Variants in SNTG2 observed in about 807,000 individuals in gnomAD.
SNTG2 encodes gamma-2-syntrophin.
A neutral mutation model predicts 70.9 loss-of-function variants in SNTG2; 74 were observed. The observed-to-expected ratio is 1.04, with a 90% confidence interval of 0.86 to 1.27. The LOEUF is 1.27. Ranked by LOEUF, SNTG2 falls within the 50% of genes most tolerant of loss-of-function variation. SNTG2 has a pLI of 0.00. For synonymous variants in SNTG2, 278 were observed against 273.8 expected (o/e 1.02, Z -0.15); for missense variants, 717 against 690.7 (o/e 1.04, Z -0.43).
rs1181147035 is a variant in SNTG2 at position 956,256 on chromosome 2, CG to C, written c.72+5189del. ...CCACCCCTGCCCCGCCCCGCCCCTGCGCCTCCCCCTGCCCTGCCCCTGCACC... is the reference window on the plus strand; with the variant it reads ...CCACCCCTGCCCCGCCCCGCCCCTGCCCTCCCCCTGCCCTGCCCCTGCACC... On this transcript the variant is annotated intron_variant, in intron 1 of 16. Coordinates refer to ENST00000308624, the MANE Select transcript of SNTG2 (RefSeq NM_018968.4). Among the ~76,000 whole-genome samples, 501 of 127,112 alleles carry C rather than the reference CG, an allele frequency of 3.9e-3. 12 individuals are homozygous for C. Among genetic ancestry groups the C allele is most frequent in the African/African-American group, 0.017 (474 of 28,328 alleles). 83.4% of individuals were successfully genotyped at this position (127,112 alleles called of 152,430 possible).
intron 1 of SNTG2, among the ~76,000 whole-genome samples, chr2:1,035,805 T>C (rs555507897): frequency 2.6e-5 from 4 of 152,316 alleles, no homozygotes; most frequent in Non-Finnish European, 5.9e-5. Flanking sequence ...CAGTGTGTTT[T>C]TGTTTTTATT....
intron 14 of SNTG2, among the ~76,000 whole-genome samples, chr2:1,267,913 A>G (rs1678834782): frequency 2.0e-5 from 3 of 152,230 alleles, no homozygotes; most frequent in African/African-American, 7.2e-5. Flanking sequence ...CGGGAGACAG[A>G]ACACCTAGCT....
Position 1,179,219 on chromosome 2 carries a change from G to A in SNTG2, c.591+6036G>A, listed in dbSNP as rs1023649685. Among the ~76,000 whole-genome samples the A allele has an allele frequency of 1.4e-4, 22 of 151,824 alleles. No homozygotes were observed. The South Asian group carries it at 2.5e-3, about 17-fold the overall frequency. On this transcript the variant is annotated intron_variant, in intron 8 of 16. Transcript: ENST00000308624. The stretch of plus-strand genomic sequence containing the variant: ...TTTCTTCTTTATTAGTCTTGCTAGC[G>A]GTCTATCAATTTTGTTGATCCTTTC...
chr2:1,353,405 C>T lies in SNTG2; in HGVS notation c.1489-13938C>T, dbSNP rs1660686506. ...TGAGTTCCGGGGTGTGGCTGTTCCT[C>T]GTGATTGTTGCATTTCATCCTATAC... On this transcript the variant is annotated intron_variant, in intron 16 of 16. Transcript: ENST00000308624. This position sits in a 1 kb window ranked among gnomAD's most constrained non-coding sequence, Gnocchi z 4.2. Among the ~76,000 whole-genome samples the T allele has an allele frequency of 6.6e-6, 1 of 152,180 alleles. No homozygotes were observed. Among genetic ancestry groups the T allele is most frequent in the African/African-American group, 2.4e-5 (1 of 41,440 alleles).
At chr2:1,098,147 A>G in intron 2 of SNTG2, 49 bp from the exon 3 acceptor site, 1 of 1,576,928 alleles carries the variant, frequency 6.3e-7, no homozygotes, top group Non-Finnish European at 8.7e-7. Flanking sequence ...TCACTTTCTG[A>G]TAGTGCATTT....
Position 1,097,534 on chromosome 2 carries a change from A to G in SNTG2, c.211-662A>G. On this transcript the variant is annotated intron_variant, in intron 2 of 16. Coordinates refer to ENST00000308624, the MANE Select transcript of SNTG2 (RefSeq NM_018968.4). This position sits in a 1 kb window ranked among gnomAD's most constrained non-coding sequence, Gnocchi z 4.1. The stretch of plus-strand genomic sequence containing the variant: ...CACTCATGTCTACCTGAAGTTGGCA[A>G]CAGTCGCATTCATCAGATTAGACCA... 6.6e-6 allele frequency among the ~76,000 whole-genome samples: 1 copy of G among 152,208 alleles called. No individual in the cohort carries two copies. Among genetic ancestry groups the G allele is most frequent in the East Asian group, 1.9e-4 (1 of 5,184 alleles).
At chr2:1,205,476 A>G (rs957203519) in intron 8 of SNTG2, among the ~76,000 whole-genome samples, 3 of 149,090 alleles carry the variant, frequency 2.0e-5, no homozygotes, top group Non-Finnish European at 4.4e-5. Flanking sequence ...GGGAGAATGC[A>G]GAGTCGGGGA....
intron 14 of SNTG2, among the ~76,000 whole-genome samples, chr2:1,268,896 C>T (rs935834809): frequency 2.0e-5 from 3 of 152,202 alleles, no homozygotes; most frequent in Admixed American, 6.5e-5. Context: ...TCTCCATTCG[C>T]GTGTGTGTGC....
intron 1 of SNTG2, among the ~76,000 whole-genome samples, chr2:966,086 G>A (rs1337218661): frequency 6.6e-6 from 1 of 152,232 alleles, no homozygotes; most frequent in Non-Finnish European, 1.5e-5. Context: ...CGCGGAACCT[G>A]CTTCACAGCG....
At chr2:1,008,433 G>A (rs776520879) in intron 1 of SNTG2, among the ~76,000 whole-genome samples, 3 of 151,672 alleles carry the variant, frequency 2.0e-5, no homozygotes, top group African/African-American at 7.3e-5. Flanking sequence ...TTTGAGATGC[G>A]CAAAAAAGGG....
chr2:1,198,456 A>T (rs1470873377), intron 8 of SNTG2, among the ~76,000 whole-genome samples: 3 of 152,102 alleles, frequency 2.0e-5, no homozygotes, highest in African/African-American at 7.2e-5. Context: ...AGAGACACAC[A>T]TCGAAAAACG....
chr2:1,082,737 C>T (rs1664415816), intron 1 of SNTG2, among the ~76,000 whole-genome samples: 2 of 152,250 alleles, frequency 1.3e-5, no homozygotes, highest in South Asian at 4.1e-4. Flanking sequence ...GACGCCCAAG[C>T]CCTGTGCCTG....
intron 4 of SNTG2, 139 bp from the exon 5 acceptor site, chr2:1,137,483 T>A (rs1236778408): frequency 4.9e-6 from 4 of 811,502 alleles, no homozygotes; most frequent in Non-Finnish European, 6.0e-6. Context: ...CAAACACACA[T>A]CTGCTCACGT....
intron 1 of SNTG2, among the ~76,000 whole-genome samples, chr2:1,020,109 C>G (rs1660079165): frequency 6.6e-6 from 1 of 152,208 alleles, no homozygotes; most frequent in African/African-American, 2.4e-5. Flanking sequence ...AATAGCCATT[C>G]AGGCATGAAT....
chr2:1,223,593 A>G (rs746415413), intron 9 of SNTG2, among the ~76,000 whole-genome samples: 55 of 152,208 alleles, frequency 3.6e-4, no homozygotes, highest in Non-Finnish European at 5.6e-4. Flanking sequence ...ACAACTAAAC[A>G]TGAACCAAAG....
intron 14 of SNTG2, among the ~76,000 whole-genome samples, chr2:1,285,929 G>A (rs1219017576): frequency 2.0e-5 from 3 of 152,166 alleles, no homozygotes; most frequent in East Asian, 3.9e-4. Context: ...CCTGAATGGA[G>A]CTCCTGCATT....
At chr2:1,131,507 G>A (rs932306932) in intron 4 of SNTG2, among the ~76,000 whole-genome samples, 6 of 152,234 alleles carry the variant, frequency 3.9e-5, no homozygotes, top group African/African-American at 1.4e-4. Flanking sequence ...GAGCTCTTTT[G>A]AAAATGAGCA....
chr2:1,259,156 T>G (rs1678281729), intron 12 of SNTG2, among the ~76,000 whole-genome samples: 1 of 152,150 alleles, frequency 6.6e-6, no homozygotes, highest in South Asian at 2.1e-4. Context: ...CGGTAAAGGA[T>G]CTATTATATT....
chr2:1,038,787 G>A (rs1661273558), intron 1 of SNTG2, among the ~76,000 whole-genome samples: 1 of 140,994 alleles, frequency 7.1e-6, no homozygotes, highest in African/African-American at 2.7e-5. Flanking sequence ...TTATTTAAAG[G>A]AAAGCTAGAA....
Sources: allele counts gnomAD v4.1 joint callset (sites outside exome capture counted in the v4.1 genomes callset), GRCh38; gene constraint gnomAD v4.1.1; non-coding constraint Gnocchi (gnomAD v3.1); transcripts MANE v1.5; gene names NCBI Gene and HGNC (gene_info 2026-07-23, HGNC 2026-07-21).